The following JAKMIP1 variants were observed in gnomAD, a reference collection of about 807,000 sequenced individuals.
The protein encoded by JAKMIP1 is janus kinase and microtubule-interacting protein 1.
A neutral mutation model predicts 113.0 loss-of-function variants in JAKMIP1; 33 were observed. The observed-to-expected ratio is 0.29, with a 90% CI of 0.22 to 0.39. The LOEUF (loss-of-function observed/expected upper bound fraction) is 0.39. Ranked by LOEUF, JAKMIP1 falls within the 10% of genes least tolerant of loss-of-function variation. The pLI, the probability that JAKMIP1 is intolerant of heterozygous loss-of-function variation, is 1.00. For synonymous variants in JAKMIP1, 480 were observed against 459.9 expected (o/e 1.04, Z -0.56); for missense variants, 813 against 1,080.5 (o/e 0.75, Z 3.47).
At chr4:6,039,862 T>C (rs1426818735) in intron 18 of JAKMIP1, among the ~76,000 whole-genome samples, 1 of 152,118 alleles carries the variant, frequency 6.6e-6, no homozygotes, top group Non-Finnish European at 1.5e-5. Flanking sequence ...AGTTTTAAAG[T>C]CATTTTTTTT....
Position 6,169,603 on chromosome 4 carries a change from TTGTGTGTGTGTGTG to T in JAKMIP1, c.-148+30636_-148+30649del, listed in dbSNP as rs71173413. 8.0e-5 allele frequency among the ~76,000 whole-genome samples: 11 copies of T among 137,374 alleles called. No individual in the cohort carries two copies. The East Asian group carries it at 1.0e-3, about 13-fold the overall frequency. The allele number at this position is 137,374 out of a possible 152,430, so 90.1% of individuals were successfully genotyped here. ...AATTTGTTACACCAGCCCTAGGAAA[TTGTGTGTGTGTGTG>T]TGTGTGTGTGTGTGTGTGTGTGTGA... On this transcript the variant is annotated intron_variant, in intron 1 of 20. Transcript: ENST00000409021.
At chr4:6,147,873 T>G (rs983696886) in intron 1 of JAKMIP1, among the ~76,000 whole-genome samples, 1 of 152,230 alleles carries the variant, frequency 6.6e-6, no homozygotes, top group African/African-American at 2.4e-5. Context: ...CTTGTTCCCA[T>G]CCAATTGTTC....
Position 6,026,470 on chromosome 4 carries a change from G to A in JAKMIP1, c.2446-192C>T, listed in dbSNP as rs190033332. Reference sequence around the variant, plus strand: ...TCTCCCCTGGGAAACGCATCCTGGGGTCTTCCACACTCAGGGTGGGTTATC... The same window carrying A: ...TCTCCCCTGGGAAACGCATCCTGGGATCTTCCACACTCAGGGTGGGTTATC... On this transcript the variant is annotated intron_variant, in intron 20 of 20. Transcript: ENST00000409021. Among the ~76,000 whole-genome samples, 628 of 152,172 alleles carry A rather than the reference G, an allele frequency of 4.1e-3. 4 individuals are homozygous for A. Among genetic ancestry groups the A allele is most frequent in the Non-Finnish European group, 7.4e-3 (501 of 68,000 alleles).
At chr4:6,107,258 G>A (rs1040310271) in intron 2 of JAKMIP1, among the ~76,000 whole-genome samples, 1 of 152,182 alleles carries the variant, frequency 6.6e-6, no homozygotes, top group African/African-American at 2.4e-5. Context: ...TCCCTCCTGC[G>A]AGGCAACAGT....
rs1714794174 is a variant in JAKMIP1 at position 6,044,930 on chromosome 4, G to T, written c.2029-2703C>A. On this transcript the variant is annotated intron_variant, in intron 16 of 20. Coordinates refer to ENST00000409021, the MANE Select transcript of JAKMIP1 (RefSeq NM_001099433.2). This position sits in a 1 kb window ranked among gnomAD's most constrained non-coding sequence, Gnocchi z 4.4. ...GTTCTGCTCCAACCCCAGGAGAGGG[G>T]GTCTCAGGCTGGGGAGGAGAAGTGA... Among the ~76,000 whole-genome samples the T allele has an allele frequency of 6.6e-6, 1 of 152,210 alleles. No individual in the cohort carries two copies. Among genetic ancestry groups the T allele is most frequent in the Admixed American group, 6.5e-5 (1 of 15,284 alleles).
intron 16 of JAKMIP1, among the ~76,000 whole-genome samples, chr4:6,047,615 G>A (rs1715160205): frequency 6.6e-6 from 1 of 152,212 alleles, no homozygotes; most frequent in African/African-American, 2.4e-5. Flanking sequence ...CCTTGGGCAA[G>A]GTTTGGCCAT....
rs180837609 is a variant in JAKMIP1 at position 6,088,937 on chromosome 4, G to T, written c.625-3308C>A. Among the ~76,000 whole-genome samples, 96 of 152,278 alleles carry T rather than the reference G, an allele frequency of 6.3e-4. No individual in the cohort carries two copies. The East Asian group carries it at 8.5e-3, about 13-fold the overall frequency. On this transcript the variant is annotated intron_variant, in intron 3 of 20. Transcript: ENST00000409021. This position sits in a 1 kb window ranked among gnomAD's most constrained non-coding sequence, Gnocchi z 5.5. The stretch of plus-strand genomic sequence containing the variant: ...AACGAACATCACTGCAAGTTCCCAG[G>T]GCAGTCCCCAATTGGCTCATGCCAC...
intron 1 of JAKMIP1, among the ~76,000 whole-genome samples, chr4:6,166,187 T>A (rs1294732848): frequency 6.6e-6 from 1 of 152,222 alleles, no homozygotes; most frequent in Non-Finnish European, 1.5e-5. Flanking sequence ...GGGCTTAGCT[T>A]CTGGGGGTCT....
rs1051295132 is a variant in JAKMIP1 at position 6,185,790 on chromosome 4, T to C, written c.-148+14463A>G. The stretch of plus-strand genomic sequence containing the variant: ...CATTTTGAGAACCACTTCTCAGATC[T>C]GTTCACTACAAACCCTCCTGATTAA... On this transcript the variant is annotated intron_variant, in intron 1 of 20. Coordinates refer to ENST00000409021, the MANE Select transcript of JAKMIP1 (RefSeq NM_001099433.2). This position sits in a 1 kb window ranked among gnomAD's most constrained non-coding sequence, Gnocchi z 5.3. 3.9e-5 allele frequency among the ~76,000 whole-genome samples: 6 copies of C among 152,204 alleles called. No individual in the cohort carries two copies. The highest frequency in any genetic ancestry group is 3.9e-4 in the Admixed American group (6 of 15,284).
At position 6,029,834 on chromosome 4, in the gene JAKMIP1, A is replaced by AC. The variant is rs745697088; in HGVS notation, c.2380-54dup. On this transcript the variant is annotated intron_variant, in intron 19 of 20. Transcript: ENST00000409021. ...AAAAGTAAGTTTTCCAGGTTTAAAA[A>AC]CTCTGTTTTTATTTTTTATTGTGGT... 5.6e-4 allele frequency: 716 copies of AC among 1,270,272 alleles called. 1 individual carries two copies. Among genetic ancestry groups the AC allele is most frequent in the Non-Finnish European group, 7.7e-4 (679 of 887,336 alleles). 78.7% of individuals were successfully genotyped at this position (1,270,272 alleles called of 1,614,324 possible).
At chr4:6,037,980 T>G (rs1713758163) in intron 18 of JAKMIP1, among the ~76,000 whole-genome samples, 1 of 127,508 alleles carries the variant, frequency 7.8e-6, no homozygotes, top group Non-Finnish European at 1.6e-5. Context: ...AGGCAGAGGC[T>G]AACCAGTAGC....
chr4:6,191,837 T>C (rs530604923), intron 1 of JAKMIP1, among the ~76,000 whole-genome samples: 1 of 152,358 alleles, frequency 6.6e-6, no homozygotes, highest in African/African-American at 2.4e-5. Flanking sequence ...TATTTTGAAG[T>C]AAAATTCATG....
rs1264476921 is a variant in JAKMIP1, at chr4:6,069,639, G to A, written c.1303-4631C>T. The stretch of plus-strand genomic sequence containing the variant: ...ATGGTGGCTGACGCCTGTAGTCCCA[G>A]CTACTTGGGAGGCTGAGGTGGAAAG... On this transcript the variant is annotated intron_variant, in intron 8 of 20. Coordinates refer to ENST00000409021, the MANE Select transcript of JAKMIP1 (RefSeq NM_001099433.2). The surrounding 1 kb of genome is among the most constrained non-coding windows in gnomAD (Gnocchi z 4.5). 6.6e-6 allele frequency among the ~76,000 whole-genome samples: 1 copy of A among 152,028 alleles called. No individual in the cohort carries two copies. Among genetic ancestry groups the A allele is most frequent in the Non-Finnish European group, 1.5e-5 (1 of 68,022 alleles).
chr4:6,102,899 A>G (rs2336526), intron 3 of JAKMIP1, among the ~76,000 whole-genome samples: 83,125 of 151,296 alleles, frequency 0.55, 24,302 homozygotes, highest in African/African-American at 0.76. Flanking sequence ...GCACCCCGCT[A>G]ATTTTTTGTA....
chr4:6,171,794 G>A (rs17773390), intron 1 of JAKMIP1, among the ~76,000 whole-genome samples: 36,440 of 152,052 alleles, frequency 0.24, 5,233 homozygotes, highest in Non-Finnish European at 0.31. Context: ...ATCGAGGCTC[G>A]TTCGTTGGCT....
intron 2 of JAKMIP1, among the ~76,000 whole-genome samples, chr4:6,107,427 C>A (rs1026485797): frequency 6.6e-6 from 1 of 152,166 alleles, no homozygotes; most frequent in Admixed American, 6.5e-5. Flanking sequence ...AATGCCCAGT[C>A]GTTTGGTCAA....
chr4:6,120,867 G>T (rs1716610831), intron 1 of JAKMIP1, among the ~76,000 whole-genome samples: 1 of 141,244 alleles, frequency 7.1e-6, no homozygotes, highest in African/African-American at 2.6e-5. Context: ...TTCAGGTTTG[G>T]GCATTTCTTG....
chr4:6,082,429 T>C (rs1354476626), intron 5 of JAKMIP1, among the ~76,000 whole-genome samples: 2 of 151,870 alleles, frequency 1.3e-5, no homozygotes, highest in Non-Finnish European at 2.9e-5. Context: ...GACTTGAACC[T>C]TTATGTAAAG....
intron 20 of JAKMIP1, among the ~76,000 whole-genome samples, chr4:6,029,313 G>A (rs1341437850): frequency 6.6e-6 from 1 of 152,222 alleles, no homozygotes; most frequent in African/African-American, 2.4e-5. Flanking sequence ...CATGCGACTG[G>A]TCTGGGGCTC....
Sources: gnomAD v4.1 joint callset for allele counts (sites outside exome capture counted in the v4.1 genomes callset) on GRCh38, gnomAD v4.1.1 for gene constraint, Gnocchi (gnomAD v3.1) non-coding constraint, MANE v1.5 for transcripts, NCBI Gene and HGNC (gene_info 2026-07-23, HGNC 2026-07-21) for gene names.